The following PIEZO2 variants were observed in gnomAD, a reference collection of about 807,000 sequenced individuals.
PIEZO2 encodes piezo type mechanosensitive ion channel component 2.
Under a neutral mutation model 337.3 loss-of-function variants are expected in PIEZO2, and 172 were observed. The ratio of observed to expected loss-of-function variants is 0.51; its 90% CI spans 0.45 to 0.58. The LOEUF (loss-of-function observed/expected upper bound fraction) is 0.58, where lower values mean the gene tolerates loss of function less well. PIEZO2 is among the 20% of genes least tolerant of loss of function. The pLI is 0.00. For missense variants in PIEZO2, 3,028 were observed against 3,391.3 expected, an observed-to-expected ratio of 0.89 and a Z score of 2.66; for synonymous variants, 1,251 against 1,228.5, an observed-to-expected ratio of 1.02 and a Z score of -0.38.
intron 7 of PIEZO2, among the ~76,000 whole-genome samples, chr18:10,851,690 A>T (rs2041558004): frequency 6.6e-6 from 1 of 152,214 alleles, no homozygotes; most frequent in South Asian, 2.1e-4. Context: ...AAAAATTTTC[A>T]TTAAATGTAA....
At chr18:10,932,945 A>G (rs948105724) in intron 3 of PIEZO2, among the ~76,000 whole-genome samples, 1 of 152,046 alleles carries the variant, frequency 6.6e-6, no homozygotes, top group South Asian at 2.1e-4. Flanking sequence ...AAAAAAAAAA[A>G]TATGAAAAGG....
chr18:10,994,996 C>T (rs974694429), intron 2 of PIEZO2, among the ~76,000 whole-genome samples: 5 of 144,490 alleles, frequency 3.5e-5, no homozygotes, highest in South Asian at 2.2e-4. Flanking sequence ...TGCTTGAACC[C>T]GGGAGGCGGA....
chr18:10,720,235 T>TGTGTGTATATATATATATATATATATAC (rs2036209017), intron 36 of PIEZO2, among the ~76,000 whole-genome samples: 1 of 129,656 alleles, frequency 7.7e-6, no homozygotes, highest in African/African-American at 3.3e-5. Context: ...TGTGTGTGTG[T>TGTGTGTATATATATATATATATATATAC]ATATATATAT....
Position 10,761,056 on chromosome 18 carries a change from T to C in PIEZO2, c.3305A>G (p.Gln1102Arg). The C allele has an allele frequency of 6.5e-7, 1 of 1,537,270 alleles. No individual in the cohort carries two copies. Among genetic ancestry groups the C allele is most frequent in the Non-Finnish European group, 8.7e-7 (1 of 1,146,894 alleles). ...GTTATTTCGACCTCGATAGTATTCC[T>C]GATGGCGGTAAATGGTGACTTCAAA... ...LAFEVTIYRH[Q>R]EYYRGRNNLT... The change falls in exon 24 of 56, where the codon CAG becomes CGG. Residue 1102 changes from glutamine to arginine, a missense_variant. By Grantham distance (43) the Gln-to-Arg change is conservative. Transcript: ENST00000674853.
intron 4 of PIEZO2, among the ~76,000 whole-genome samples, chr18:10,876,001 C>T (rs892330904): frequency 6.6e-6 from 1 of 152,216 alleles, no homozygotes; most frequent in Non-Finnish European, 1.5e-5. Context: ...TCTTGGCTTG[C>T]TGAGTTAACA....
Position 11,143,600 on chromosome 18 carries a change from A to AACACACACAC in PIEZO2, c.64+4915_64+4924dup. Among the ~76,000 whole-genome samples the AACACACACAC allele has an allele frequency of 9.4e-6, 1 of 106,586 alleles. No homozygotes were observed. The highest frequency in any genetic ancestry group is 1.9e-5 in the Non-Finnish European group (1 of 51,288). 69.9% of individuals were successfully genotyped at this position (106,586 alleles called of 152,430 possible). A position where few individuals can be genotyped will look rare whatever the true frequency, so the allele number is the denominator to read the frequency against. ...AAAATCCTGAGAACTAAAAATCTCTAACACACACACACACACACACACACA... is the reference window on the plus strand; with the variant it reads ...AAAATCCTGAGAACTAAAAATCTCTAACACACACACACACACACACACACACACACACACA... On this transcript the variant is annotated intron_variant, in intron 1 of 55. Coordinates refer to ENST00000674853, the MANE Select transcript of PIEZO2 (RefSeq NM_001378183.1). This position sits in a 1 kb window ranked among gnomAD's most constrained non-coding sequence, Gnocchi z 4.9.
chr18:11,025,211 C>T (rs1568307025), intron 2 of PIEZO2, among the ~76,000 whole-genome samples: 1 of 152,134 alleles, frequency 6.6e-6, no homozygotes, highest in Non-Finnish European at 1.5e-5. Context: ...ATGAAAATAA[C>T]AATAGCCACT....
chr18:10,733,399 C>A (rs1307073803), intron 35 of PIEZO2, among the ~76,000 whole-genome samples: 2 of 151,780 alleles, frequency 1.3e-5, no homozygotes, highest in Non-Finnish European at 2.9e-5. Context: ...GGGGAAACGT[C>A]CCAATCCTTA....
chr18:10,806,993 C>T (rs1025628602), intron 8 of PIEZO2, 119 bp downstream of exon 8: 2 of 1,045,586 alleles, frequency 1.9e-6, no homozygotes, highest in Admixed American at 2.8e-5. Flanking sequence ...ATACCCAGAA[C>T]ACTAGAGTTG....
At chr18:10,956,081 C>T (rs2033508651) in intron 3 of PIEZO2, among the ~76,000 whole-genome samples, 1 of 152,258 alleles carries the variant, frequency 6.6e-6, no homozygotes, top group South Asian at 2.1e-4. Context: ...ATATATAAGG[C>T]TTTGACTGAT....
intron 1 of PIEZO2, among the ~76,000 whole-genome samples, chr18:11,071,183 C>A (rs1449416283): frequency 2.0e-5 from 3 of 152,182 alleles, no homozygotes; most frequent in Admixed American, 6.5e-5. Context: ...CACATCCCAA[C>A]CTCCTTTCTT....
chr18:10,672,711 A>G lies in PIEZO2; in HGVS notation c.8324T>C (p.Leu2775Pro). The stretch of plus-strand genomic sequence containing the variant: ...TTACCCATAGCCAGCCAGGAACCCC[A>G]GACTTGGGGGACTGACTTTGTCATT... The part of the protein sequence containing the change: ...VFNDKVSPPS[L>P]GFLAGYGIMG... Residue 2775 changes from leucine (L) to proline (P), a missense_variant, in exon 55 of 56, where the codon CTG (leucine) becomes CCG (proline). By Grantham distance (98) the Leu-to-Pro change is moderately conservative (BLOSUM62 -3). Coordinates refer to ENST00000674853, the MANE Select transcript of PIEZO2 (RefSeq NM_001378183.1). The surrounding 1 kb of genome is among the most constrained non-coding windows in gnomAD (Gnocchi z 4.7). The G allele has an allele frequency of 6.2e-7, 1 of 1,613,958 alleles. No homozygotes were observed. The highest frequency in any genetic ancestry group is 8.5e-7 in the Non-Finnish European group (1 of 1,179,940).
rs1242009064 is a variant in PIEZO2, at chr18:10,899,770, T to C, written c.329+11416A>G. ...CAGTGACATATAGTTCATCTCTTCA[T>C]GCCCCTCATGAAACCTACAATGTTC... On this transcript the variant is annotated intron_variant, in intron 4 of 55. Coordinates refer to ENST00000674853, the MANE Select transcript of PIEZO2 (RefSeq NM_001378183.1). The surrounding 1 kb of genome is among the most constrained non-coding windows in gnomAD (Gnocchi z 4.6). Among the ~76,000 whole-genome samples the C allele has an allele frequency of 6.6e-6, 1 of 152,202 alleles. No individual in the cohort carries two copies. The highest frequency in any genetic ancestry group is 2.4e-5 in the African/African-American group (1 of 41,462).
intron 4 of PIEZO2, among the ~76,000 whole-genome samples, chr18:10,875,752 G>A (rs961128984): frequency 6.6e-6 from 1 of 152,214 alleles, no homozygotes; most frequent in Non-Finnish European, 1.5e-5. Flanking sequence ...CCTGTGGATT[G>A]CATTAAGCCC....
intron 7 of PIEZO2, among the ~76,000 whole-genome samples, chr18:10,810,382 A>G (rs923175890): frequency 7.9e-5 from 12 of 152,196 alleles, no homozygotes; most frequent in African/African-American, 2.9e-4. Flanking sequence ...TTCTGTCCAC[A>G]GAACACATCC....
intron 4 of PIEZO2, among the ~76,000 whole-genome samples, chr18:10,905,765 ACTTTTTCCT>A (rs1480907826): frequency 6.6e-6 from 1 of 151,978 alleles, no homozygotes; most frequent in African/African-American, 2.4e-5. Context: ...TTCTCTCTTG[ACTTTTTCCT>A]AAGTCCACTC....
Position 11,143,074 on chromosome 18 carries a change from G to A in PIEZO2, c.64+5451C>T, listed in dbSNP as rs895317607. On this transcript the variant is annotated intron_variant, in intron 1 of 55. Transcript: ENST00000674853. The surrounding 1 kb of genome is among the most constrained non-coding windows in gnomAD (Gnocchi z 4.9). ...AGCCTGGGTGACAGAGCAAGACTCCGTCTCAAAAAAAAGAAAAAAGAAAAA... is the reference window on the plus strand; with the variant it reads ...AGCCTGGGTGACAGAGCAAGACTCCATCTCAAAAAAAAGAAAAAAGAAAAA... 5.9e-5 allele frequency among the ~76,000 whole-genome samples: 9 copies of A among 151,936 alleles called. No homozygotes were observed. The highest frequency in any genetic ancestry group is 3.9e-4 in the East Asian group (2 of 5,162).
intron 2 of PIEZO2, among the ~76,000 whole-genome samples, chr18:11,004,316 T>C (rs545792440): frequency 9.8e-5 from 15 of 152,326 alleles, no homozygotes; most frequent in African/African-American, 2.9e-4. Context: ...AATTTCCAGA[T>C]TGGGGGCTTG....
At chr18:10,936,154 A>G (rs1265787596) in intron 3 of PIEZO2, among the ~76,000 whole-genome samples, 3 of 152,228 alleles carry the variant, frequency 2.0e-5, no homozygotes, top group African/African-American at 4.8e-5. Flanking sequence ...CTGCCTTCCC[A>G]GCAGTTTCTA....
Sources: allele counts gnomAD v4.1 joint callset (sites outside exome capture counted in the v4.1 genomes callset), GRCh38; gene constraint gnomAD v4.1.1; non-coding constraint Gnocchi (gnomAD v3.1); transcripts MANE v1.5; gene names NCBI Gene and HGNC (gene_info 2026-07-23, HGNC 2026-07-21).